PCNX1: variants seen among roughly 807,000 people sequenced by gnomAD.
PCNX1 encodes pecanex-like protein 1.
Under a neutral mutation model 242.2 loss-of-function variants are expected in PCNX1, and 78 were observed. The observed-to-expected ratio is 0.32, with a 90% CI of 0.27 to 0.39. PCNX1 has a LOEUF of 0.39. Among genes scored for constraint, PCNX1 ranks in the 10% least tolerant of loss-of-function variants. The probability of loss-of-function intolerance (pLI) is 1.00; values close to 1 mark genes in which losing one functional copy is unlikely to be tolerated. For missense variants in PCNX1, 2,581 were observed against 2,856.5 expected (o/e 0.90, Z 2.20); for synonymous variants, 1,024 against 1,032.9 (o/e 0.99, Z 0.17).
chr14:71,104,528 G>A (rs1168926867), intron 32 of PCNX1, among the ~76,000 whole-genome samples: 1 of 152,160 alleles, frequency 6.6e-6, no homozygotes, highest in African/African-American at 2.4e-5. Flanking sequence ...TAGGAAAAAT[G>A]ATTTCAGCAC....
chr14:71,104,366 A>G (rs1033781030), intron 32 of PCNX1, among the ~76,000 whole-genome samples: 3 of 152,184 alleles, frequency 2.0e-5, no homozygotes, highest in African/African-American at 7.2e-5. Flanking sequence ...CAGAAGGCAC[A>G]ATATAAGTCA....
intron 30 of PCNX1, among the ~76,000 whole-genome samples, chr14:71,091,086 A>G (rs1337903470): frequency 6.6e-6 from 1 of 152,224 alleles, no homozygotes; most frequent in Non-Finnish European, 1.5e-5. Context: ...CCAAGAAGCC[A>G]TGGAGGGCTG....
intron 5 of PCNX1, among the ~76,000 whole-genome samples, chr14:70,976,331 A>G (rs2058684009): frequency 6.8e-6 from 1 of 147,892 alleles, no homozygotes; most frequent in African/African-American, 2.5e-5. Flanking sequence ...ATCCAGGCCT[A>G]TTTTAAGTAT....
At chr14:70,951,981 T>A (rs908347483) in intron 2 of PCNX1, among the ~76,000 whole-genome samples, 4 of 152,206 alleles carry the variant, frequency 2.6e-5, no homozygotes, top group African/African-American at 9.6e-5. Flanking sequence ...ACATTGTGGA[T>A]AAGTGGACAG....
intron 19 of PCNX1, 72 bp downstream of exon 19, chr14:71,036,229 A>AAT: frequency 5.2e-6 from 5 of 967,376 alleles, no homozygotes; most frequent in Admixed American, 1.7e-5. Context: ...CCCAGGCTGG[A>AAT]GTGCAGTGTT....
rs577262458 is a variant in PCNX1 at position 70,960,522 on chromosome 14, T to C, written c.363-1704T>C. On this transcript the variant is annotated intron_variant, in intron 2 of 35. Coordinates refer to ENST00000304743, the MANE Select transcript of PCNX1 (RefSeq NM_014982.3). ...GGTATCGATGGGACGTATCTCAAAA[T>C]AATAAGAGCTATCTATGACAAACCC... Among the ~76,000 whole-genome samples, 34 of 152,238 alleles carry C rather than the reference T, an allele frequency of 2.2e-4. 1 individual carries two copies. In the East Asian group the frequency reaches 6.6e-3, roughly 29 times the overall value.
intron 8 of PCNX1, among the ~76,000 whole-genome samples, chr14:70,996,798 G>C (rs1480476052): frequency 2.0e-5 from 3 of 152,132 alleles, no homozygotes; most frequent in Non-Finnish European, 4.4e-5. Flanking sequence ...TGATAATCCA[G>C]TTACTGTTTC....
At chr14:71,048,252 A>G (rs944353411) in intron 22 of PCNX1, among the ~76,000 whole-genome samples, 8 of 152,168 alleles carry the variant, frequency 5.3e-5, no homozygotes, top group African/African-American at 1.9e-4. Context: ...AATATATAGA[A>G]TCTCTCAAAA....
chr14:71,070,530 C>T (rs1419757691), intron 26 of PCNX1, among the ~76,000 whole-genome samples: 1 of 152,166 alleles, frequency 6.6e-6, no homozygotes, highest in East Asian at 1.9e-4. Flanking sequence ...TCTTAGCAGG[C>T]AACACTAATG....
chr14:71,068,588 G>A (rs1486714784), intron 26 of PCNX1, among the ~76,000 whole-genome samples: 2 of 105,130 alleles, frequency 1.9e-5, no homozygotes, highest in Non-Finnish European at 1.8e-5. Context: ...TTGTATGTAC[G>A]TGCGTGTGTG....
intron 11 of PCNX1, 52 bp from the exon 12 acceptor site, chr14:71,018,957 G>A (rs771754523): frequency 6.9e-7 from 1 of 1,443,626 alleles, no homozygotes; most frequent in Non-Finnish European, 9.4e-7. Flanking sequence ...TTTCCATTTG[G>A]TTAATTTCTT....
At chr14:71,054,078 C>A (rs1335209775) in intron 24 of PCNX1, among the ~76,000 whole-genome samples, 5 of 152,114 alleles carry the variant, frequency 3.3e-5, no homozygotes, top group Non-Finnish European at 7.4e-5. Context: ...GCCACCTTGC[C>A]CAGGCAAAAA....
At chr14:70,955,663 T>A (rs182438210) in intron 2 of PCNX1, among the ~76,000 whole-genome samples, 1 of 152,322 alleles carries the variant, frequency 6.6e-6, no homozygotes, top group East Asian at 1.9e-4. Flanking sequence ...TTTGCTACTG[T>A]GAGAATTATA....
intron 1 of PCNX1, among the ~76,000 whole-genome samples, chr14:70,925,071 C>A (rs970884575): frequency 1.3e-5 from 2 of 152,028 alleles, no homozygotes; most frequent in African/African-American, 4.8e-5. Flanking sequence ...TCACTGCAAC[C>A]TCCACCTCCT....
intron 5 of PCNX1, among the ~76,000 whole-genome samples, chr14:70,970,916 A>G (rs564118072): frequency 6.6e-6 from 1 of 152,268 alleles, no homozygotes; most frequent in African/African-American, 2.4e-5. Flanking sequence ...TTTTATATGC[A>G]TTTACCCAGT....
In PCNX1 at chr14:71,033,917, T is replaced by TC. The variant is rs764648513; in HGVS notation, c.3669-14_3669-13insC. 1.7e-4 allele frequency: 244 copies of TC among 1,410,472 alleles called. No individual in the cohort carries two copies. The African/African-American group carries it at 3.3e-3, about 19-fold the overall frequency. 87.4% of individuals were successfully genotyped at this position (1,410,472 alleles called of 1,614,324 possible). A position where few individuals can be genotyped will look rare whatever the true frequency, so the allele number is the denominator to read the frequency against. On this transcript the variant is annotated splice_polypyrimidine_tract_variant and intron_variant, in intron 17 of 35. Coordinates refer to ENST00000304743, the MANE Select transcript of PCNX1 (RefSeq NM_014982.3). ...TTATCTATGTATTTTCTGTTTTTTT[T>TC]TCTTCACATAAAGCTCTTTAGTGCA...
chr14:70,954,545 C>T (rs1483945036), intron 2 of PCNX1, among the ~76,000 whole-genome samples: 1 of 152,002 alleles, frequency 6.6e-6, no homozygotes, highest in Non-Finnish European at 1.5e-5. Context: ...TTTTTAAATA[C>T]CTTTCAGTAA....
chr14:70,928,858 A>G (rs1364492292), intron 1 of PCNX1, among the ~76,000 whole-genome samples: 2 of 152,298 alleles, frequency 1.3e-5, no homozygotes, highest in East Asian at 1.9e-4. Flanking sequence ...ATAACCAGTT[A>G]TAATTCTCAG....
intron 3 of PCNX1, among the ~76,000 whole-genome samples, chr14:70,962,600 C>T (rs755334410): frequency 2.0e-5 from 3 of 152,204 alleles, no homozygotes; most frequent in Non-Finnish European, 2.9e-5. Context: ...AATTTAGCTT[C>T]TAGCTTGCGC....
Sources: allele counts gnomAD v4.1 joint callset (sites outside exome capture counted in the v4.1 genomes callset), GRCh38; gene constraint gnomAD v4.1.1; transcripts MANE v1.5; gene names NCBI Gene and HGNC (gene_info 2026-07-23, HGNC 2026-07-21).